The following MAP4K3 variants were observed in gnomAD, a reference collection of about 807,000 sequenced individuals.
The protein encoded by MAP4K3 is mitogen-activated protein kinase kinase kinase kinase 3.
A neutral mutation model predicts 143.5 loss-of-function variants in MAP4K3; 94 were observed. That is an observed-to-expected ratio of 0.65 (90% CI 0.55 to 0.78). The LOEUF (loss-of-function observed/expected upper bound fraction) is 0.78. Among genes scored for constraint, MAP4K3 ranks in the 30% least tolerant of loss-of-function variants. The pLI, the probability that MAP4K3 is intolerant of heterozygous loss-of-function variation, is 0.00. For synonymous variants in MAP4K3, 416 were observed against 347.2 expected (o/e 1.20, Z -2.20); for missense variants, 1,077 against 1,068.1 (o/e 1.01, Z -0.12).
At chr2:39,349,721 A>C (rs1665396708) in intron 3 of MAP4K3, among the ~76,000 whole-genome samples, 1 of 151,614 alleles carries the variant, frequency 6.6e-6, no homozygotes, top group African/African-American at 2.4e-5. Context: ...GAGGAAGCGA[A>C]AAAAGAGGAG....
At chr2:39,279,866 T>C (rs112581581) in intron 23 of MAP4K3, among the ~76,000 whole-genome samples, 5,858 of 152,198 alleles carry the variant, frequency 0.038, 139 homozygotes, top group South Asian at 0.055. Flanking sequence ...GGCAGGGGGA[T>C]TGCATAAGGC....
intron 21 of MAP4K3, among the ~76,000 whole-genome samples, chr2:39,282,910 T>C (rs909174453): frequency 2.6e-5 from 4 of 152,216 alleles, no homozygotes; most frequent in African/African-American, 7.2e-5. Context: ...TTATACACTA[T>C]CTGCAGGATC....
intron 2 of MAP4K3, among the ~76,000 whole-genome samples, chr2:39,375,359 TCTC>T (rs2148577450): frequency 6.6e-6 from 1 of 152,204 alleles, no homozygotes; most frequent in East Asian, 1.9e-4. Context: ...TCTACTCAGT[TCTC>T]TAGAGATATC....
rs1388886315 is a variant in MAP4K3 at position 39,258,278 on chromosome 2, T to G, written c.2470+70A>C. ...GAATCTTAATAATATCAATCTTTAA[T>G]TTTGGATAATTAGCAGATAAATTAT... On this transcript the variant is annotated intron_variant, in intron 31 of 33. Transcript: ENST00000263881. 4 of 1,001,736 alleles carry G rather than the reference T, an allele frequency of 4.0e-6. No homozygotes were observed. The African/African-American group carries it at 5.0e-5, about 12-fold the overall frequency. 62.1% of individuals were successfully genotyped at this position (1,001,736 alleles called of 1,614,324 possible). A position where few individuals can be genotyped will look rare whatever the true frequency, so the allele number is the denominator to read the frequency against.
In MAP4K3 at chr2:39,293,238, C is replaced by A. The variant is rs1156652182; in HGVS notation, c.1209G>T (p.Leu403Phe). ...KSLLKSVEEE[L>F]HQRGHVAHLE... The stretch of plus-strand genomic sequence containing the variant: ...TTAAAAATTAAAATTACCGCTGATG[C>A]AATTCTTCTTCAACAGACTTGAGAA... Residue 403 changes from leucine (L) to phenylalanine (F), a missense_variant, in exon 17 of 34, where the codon TTG (leucine) becomes TTT (phenylalanine). Around this residue, in one of 2 missense-constraint regions of MAP4K3, gnomAD observed 864 missense variants for 801.2 expected, o/e 1.08. Transcript: ENST00000263881. The A allele has an allele frequency of 1.3e-6, 2 of 1,549,180 alleles. No individual in the cohort carries two copies.
intron 1 of MAP4K3, among the ~76,000 whole-genome samples, chr2:39,394,485 G>C (rs1026288992): frequency 1.3e-5 from 2 of 152,128 alleles, no homozygotes; most frequent in Non-Finnish European, 2.9e-5. Context: ...TTTTTGCTTA[G>C]GTAATTATTT....
At chr2:39,299,490 C>A (rs1295820567) in intron 16 of MAP4K3, among the ~76,000 whole-genome samples, 2 of 151,994 alleles carry the variant, frequency 1.3e-5, no homozygotes, top group Non-Finnish European at 2.9e-5. Flanking sequence ...CCTTCAGTGG[C>A]AATACATGTG....
intron 21 of MAP4K3, 127 bp from the exon 22 acceptor site, chr2:39,282,681 T>C: frequency 1.5e-6 from 1 of 658,926 alleles, no homozygotes; most frequent in South Asian, 1.9e-5. Flanking sequence ...AACATTACAG[T>C]TAAGGCTGAA....
chr2:39,311,907 A>T (rs1682950305), intron 13 of MAP4K3, among the ~76,000 whole-genome samples: 1 of 152,224 alleles, frequency 6.6e-6, no homozygotes, highest in African/African-American at 2.4e-5. Context: ...CTTCAGACTT[A>T]AAGAAATACT....
chr2:39,350,439 T>C (rs1665421983), intron 3 of MAP4K3, among the ~76,000 whole-genome samples: 1 of 152,202 alleles, frequency 6.6e-6, no homozygotes, highest in Non-Finnish European at 1.5e-5. Flanking sequence ...TTCGTAAATG[T>C]AAAATATTCC....
At chr2:39,425,659 T>C (rs1378931226) in intron 1 of MAP4K3, among the ~76,000 whole-genome samples, 1 of 150,698 alleles carries the variant, frequency 6.6e-6, no homozygotes, top group South Asian at 2.2e-4. Flanking sequence ...TCCAGAACTG[T>C]GAGAAAATTA....
chr2:39,318,381 A>C (rs1683189673), intron 12 of MAP4K3, among the ~76,000 whole-genome samples: 1 of 152,140 alleles, frequency 6.6e-6, no homozygotes, highest in South Asian at 2.1e-4. Flanking sequence ...TGTACCCTGA[A>C]ACTAAAATAA....
At chr2:39,305,146 C>T (rs1296424644) in intron 15 of MAP4K3, among the ~76,000 whole-genome samples, 4 of 151,924 alleles carry the variant, frequency 2.6e-5, no homozygotes, top group Non-Finnish European at 4.4e-5. Context: ...GTGGCAGCTG[C>T]GTAACAATGT....
chr2:39,360,308 G>C (rs1665731002), intron 2 of MAP4K3, among the ~76,000 whole-genome samples: 1 of 152,164 alleles, frequency 6.6e-6, no homozygotes, highest in South Asian at 2.1e-4. Context: ...CCTCAGTCTG[G>C]ACTTTATTGT....
intron 21 of MAP4K3, among the ~76,000 whole-genome samples, chr2:39,286,315 T>C (rs1681774781): frequency 6.6e-6 from 1 of 152,170 alleles, no homozygotes; most frequent in Non-Finnish European, 1.5e-5. Flanking sequence ...CAGGCGGTAA[T>C]GCTCACTTGC....
intron 19 of MAP4K3, among the ~76,000 whole-genome samples, chr2:39,288,644 T>G (rs193115665): frequency 4.6e-5 from 7 of 152,340 alleles, no homozygotes; most frequent in Admixed American, 2.0e-4. Flanking sequence ...ATATTCAGAC[T>G]AGTCAAAGTT....
chr2:39,250,424 C>G lies in MAP4K3; in HGVS notation c.*194G>C. ...AGATTACATAACAATGAATTAAGCACTTGTGTGGTTCAATATGCTAAATAT... is the reference window on the plus strand; with the variant it reads ...AGATTACATAACAATGAATTAAGCAGTTGTGTGGTTCAATATGCTAAATAT... On this transcript the variant is annotated 3_prime_UTR_variant, in exon 34 of 34. Transcript: ENST00000263881. The G allele has an allele frequency of 3.9e-6, 2 of 512,578 alleles. No homozygotes were observed. Among genetic ancestry groups the G allele is most frequent in the East Asian group, 6.0e-5 (2 of 33,080 alleles). 31.8% of individuals were successfully genotyped at this position (512,578 alleles called of 1,614,324 possible).
chr2:39,303,411 A>C (rs1160492444), intron 15 of MAP4K3, among the ~76,000 whole-genome samples: 1 of 152,182 alleles, frequency 6.6e-6, no homozygotes, highest in Admixed American at 6.5e-5. Flanking sequence ...AAATGGAATA[A>C]TATGACTTTT....
Position 39,432,927 on chromosome 2 carries a change from A to G in MAP4K3, c.96+3965T>C, listed in dbSNP as rs536298326. Among the ~76,000 whole-genome samples the G allele has an allele frequency of 3.3e-5, 5 of 152,224 alleles. No homozygotes were observed. In the South Asian group the frequency reaches 6.2e-4, roughly 19 times the overall value. On this transcript the variant is annotated intron_variant, in intron 1 of 33. Transcript: ENST00000263881. ...AACACACAAAGGTGAAAAAAAATCA[A>G]TATCAACGTTTCCAAAGCATGTTCT...
Sources: gnomAD v4.1 joint callset for allele counts (sites outside exome capture counted in the v4.1 genomes callset) on GRCh38, gnomAD v4.1.1 for gene constraint, gnomAD v4.1.1 regional missense constraint, MANE v1.5 for transcripts, NCBI Gene and HGNC (gene_info 2026-07-23, HGNC 2026-07-21) for gene names.